C17orf99: variants seen among roughly 807,000 people sequenced by gnomAD.
The protein encoded by C17orf99 is chromosome 17 open reading frame 99.
Under a neutral mutation model 22.6 loss-of-function variants are expected in C17orf99, and 18 were observed. That is an observed-to-expected ratio of 0.80 (90% confidence interval 0.55 to 1.18). The LOEUF (loss-of-function observed/expected upper bound fraction) is 1.18. Ranked by LOEUF, C17orf99 falls within the 50% of genes most tolerant of loss-of-function variation. The probability of loss-of-function intolerance (pLI) is 0.00; values close to 1 mark genes in which losing one functional copy is unlikely to be tolerated. For synonymous variants in C17orf99, 147 were observed against 136.6 expected (o/e 1.08, Z -0.53); for missense variants, 328 against 342.7 (o/e 0.96, Z 0.34).
chr17:78,157,307 C>G (rs943749550), intron 2 of C17orf99: 1 of 441,434 alleles, frequency 2.3e-6, no homozygotes, highest in African/African-American at 2.2e-5. Context: ...CAGGTGCCTG[C>G]GTACTAAGAC....
intron 2 of C17orf99, among the ~76,000 whole-genome samples, chr17:78,153,302 G>C (rs2075499778): frequency 6.6e-6 from 1 of 151,984 alleles, no homozygotes; most frequent in African/African-American, 2.4e-5. Context: ...TGGCCAACAT[G>C]GAGAAACCCC....
chr17:78,150,155 T>G (rs929869420), intron 2 of C17orf99, among the ~76,000 whole-genome samples: 1 of 151,990 alleles, frequency 6.6e-6, no homozygotes, highest in African/African-American at 2.4e-5. Context: ...ACTATAGGCA[T>G]GCACCACCAT....
chr17:78,163,844 C>T (rs987013797), intron 3 of C17orf99, among the ~76,000 whole-genome samples: 2 of 152,230 alleles, frequency 1.3e-5, no homozygotes, highest in East Asian at 1.9e-4. Flanking sequence ...CCAGCCTGGG[C>T]GACAGAGCAA....
At chr17:78,160,663 C>CGT in intron 2 of C17orf99, 2 of 333,080 alleles carry the variant, frequency 6.0e-6, no homozygotes, top group South Asian at 1.0e-4. Flanking sequence ...TGCCACCTGC[C>CGT]ACCTCCGCCT....
rs1056465107 is a variant in C17orf99, at chr17:78,151,608, G to T, written c.70+4697G>T. Reference sequence around the variant, plus strand: ...CTGGCTCCTGTCCTGGTTTCTGGGGGTTGCCTCCCTCATGCCATTCTCCCG... The same window carrying T: ...CTGGCTCCTGTCCTGGTTTCTGGGGTTTGCCTCCCTCATGCCATTCTCCCG... On this transcript the variant is annotated intron_variant, in intron 2 of 4. Coordinates refer to ENST00000340363, the MANE Select transcript of C17orf99 (RefSeq NM_001163075.2). Among the ~76,000 whole-genome samples the T allele has an allele frequency of 6.6e-5, 10 of 152,036 alleles. No homozygotes were observed. The East Asian group carries it at 9.7e-4, about 15-fold the overall frequency.
intron 3 of C17orf99, among the ~76,000 whole-genome samples, chr17:78,161,984 T>C (rs372741981): frequency 6.6e-6 from 1 of 152,176 alleles, no homozygotes; most frequent in African/African-American, 2.4e-5. Flanking sequence ...GTTAAGAAAG[T>C]TGCCCCAGGG....
At chr17:78,150,279 T>C (rs1489717258) in intron 2 of C17orf99, among the ~76,000 whole-genome samples, 1 of 152,224 alleles carries the variant, frequency 6.6e-6, no homozygotes, top group African/African-American at 2.4e-5. Flanking sequence ...AGTGCTGGGA[T>C]TACAGGCATG....
In C17orf99 at chr17:78,146,503, C is replaced by T. The variant is rs1490954665; in HGVS notation, c.37+59C>T. 7.5e-6 allele frequency: 11 copies of T among 1,474,810 alleles called. No individual in the cohort carries two copies. The highest frequency in any genetic ancestry group is 1.0e-5 in the Non-Finnish European group (11 of 1,082,336). The allele number at this position is 1,474,810 out of a possible 1,614,324, so 91.4% of individuals were successfully genotyped here. On this transcript the variant is annotated intron_variant, in intron 1 of 4. Transcript: ENST00000340363. This position sits in a 1 kb window ranked among gnomAD's most constrained non-coding sequence, Gnocchi z 5.2. ...TGCTGGGGCCTTGAGGTCTTGGGCT[C>T]AGGTGGGGGTACTGGGAGCACAGGA...
At chr17:78,155,371 G>C (rs2075517539) in intron 2 of C17orf99, among the ~76,000 whole-genome samples, 2 of 152,136 alleles carry the variant, frequency 1.3e-5, no homozygotes, top group Non-Finnish European at 2.9e-5. Flanking sequence ...GACATGCCCA[G>C]CCGAGCAAAG....
At chr17:78,151,830 A>G (rs1180047555) in intron 2 of C17orf99, among the ~76,000 whole-genome samples, 1 of 152,156 alleles carries the variant, frequency 6.6e-6, no homozygotes. Context: ...CCCTTAACGG[A>G]CGGCGGCTTA....
chr17:78,157,540 C>G lies in C17orf99; in HGVS notation c.71-3415C>G. The G allele has an allele frequency of 4.5e-6, 4 of 896,302 alleles. No homozygotes were observed. The Middle Eastern group carries it at 1.3e-3, about 283-fold the overall frequency. The allele number at this position is 896,302 out of a possible 1,614,324, so 55.5% of individuals were successfully genotyped here. On this transcript the variant is annotated intron_variant, in intron 2 of 4. Coordinates refer to ENST00000340363, the MANE Select transcript of C17orf99 (RefSeq NM_001163075.2). ...TAGGCCGGGCGCGGTGGCTCACGCC[C>G]GTAATCCCATCACTTTGGAAGACCG... is the stretch of plus-strand genomic sequence containing the variant.
At chr17:78,163,948 G>A in intron 3 of C17orf99, 147 bp from the exon 4 acceptor site, 1 of 689,088 alleles carries the variant, frequency 1.5e-6, no homozygotes, top group Non-Finnish European at 2.6e-6. Flanking sequence ...CAGACACAAG[G>A]TGGAGGGCAA....
At chr17:78,157,955 G>GA in intron 2 of C17orf99, 1 of 1,185,338 alleles carries the variant, frequency 8.4e-7, no homozygotes, top group Non-Finnish European at 1.2e-6. Flanking sequence ...GAAATATGGA[G>GA]ATATCTGCCT....
At chr17:78,149,173 A>G (rs966604479) in intron 2 of C17orf99, among the ~76,000 whole-genome samples, 3 of 151,770 alleles carry the variant, frequency 2.0e-5, no homozygotes, top group Admixed American at 6.6e-5. Context: ...CTCTAATGAA[A>G]ATACAAAAAT....
intron 2 of C17orf99, among the ~76,000 whole-genome samples, chr17:78,152,654 T>A (rs183749716): frequency 6.8e-6 from 1 of 146,686 alleles, no homozygotes; most frequent in East Asian, 2.0e-4. Flanking sequence ...TTTTTTTTTC[T>A]TAGAGACAGG....
chr17:78,151,878 T>C (rs545288968), intron 2 of C17orf99, among the ~76,000 whole-genome samples: 1 of 152,190 alleles, frequency 6.6e-6, no homozygotes, highest in Non-Finnish European at 1.5e-5. Flanking sequence ...CTAGGTCTAA[T>C]GAGTTGCAAC....
intron 3 of C17orf99, among the ~76,000 whole-genome samples, chr17:78,163,574 G>C (rs1488412645): frequency 1.3e-5 from 2 of 152,098 alleles, no homozygotes; most frequent in African/African-American, 4.8e-5. Flanking sequence ...CGCTACACAA[G>C]AATAAAACCA....
At chr17:78,157,798 GAAAAAAA>G (rs60891763) in intron 2 of C17orf99, 168 of 382,954 alleles carry the variant, frequency 4.4e-4, no homozygotes, top group African/African-American at 2.2e-3. Flanking sequence ...CTCTGTCTCG[GAAAAAAA>G]AAAAAAAAAA....
At chr17:78,149,088 T>C (rs2075457736) in intron 2 of C17orf99, among the ~76,000 whole-genome samples, 1 of 151,898 alleles carries the variant, frequency 6.6e-6, no homozygotes. Flanking sequence ...TCCCAGCACT[T>C]TGGGAGGCCG....
Sources: gnomAD v4.1 joint callset for allele counts (sites outside exome capture counted in the v4.1 genomes callset) on GRCh38, gnomAD v4.1.1 for gene constraint, Gnocchi (gnomAD v3.1) non-coding constraint, MANE v1.5 for transcripts, NCBI Gene and HGNC (gene_info 2026-07-23, HGNC 2026-07-21) for gene names.